BPIFA1: variants seen among roughly 807,000 people sequenced by gnomAD.
The protein encoded by BPIFA1 is BPI fold containing family A member 1.
A neutral mutation model predicts 25.1 loss-of-function variants in BPIFA1; 24 were observed. That is an observed-to-expected ratio of 0.96 (90% confidence interval 0.69 to 1.35). The LOEUF is 1.35. Ranked by LOEUF, BPIFA1 falls within the 40% of genes most tolerant of loss-of-function variation. The pLI is 0.00. For synonymous variants in BPIFA1, 139 were observed against 131.8 expected, an observed-to-expected ratio of 1.05 and a Z score of -0.37; for missense variants, 344 against 303.7, an observed-to-expected ratio of 1.13 and a Z score of -0.99.
At chr20:33,241,073 C>T (rs1336290127) in intron 5 of BPIFA1, among the ~76,000 whole-genome samples, 2 of 152,214 alleles carry the variant, frequency 1.3e-5, no homozygotes, top group African/African-American at 2.4e-5. Flanking sequence ...CATGTGTCAT[C>T]TCATTGGATC....
chr20:33,237,914 G>GCA, intron 2 of BPIFA1, 43 bp downstream of exon 2: 2 of 803,818 alleles, frequency 2.5e-6, no homozygotes, highest in Non-Finnish European at 3.4e-6. Flanking sequence ...GTGTGTGTGT[G>GCA]TGTGTGTGTG....
chr20:33,237,691 C>T lies in BPIFA1; in HGVS notation c.-15-6C>T. 7.0e-7 allele frequency: 1 copy of T among 1,430,994 alleles called. No individual in the cohort carries two copies. The allele number at this position is 1,430,994 out of a possible 1,614,324, so 88.6% of individuals were successfully genotyped here. A position where few individuals can be genotyped will look rare whatever the true frequency, so the allele number is the denominator to read the frequency against. The stretch of plus-strand genomic sequence containing the variant: ...TGCCATGTTGGACTTGTCATTCTGG[C>T]CACAGATACTAAGAGCAAAGATGTT... On this transcript the variant is annotated splice_polypyrimidine_tract_variant and splice_region_variant and intron_variant, in intron 1 of 8. Transcript: ENST00000354297.
intron 3 of BPIFA1, among the ~76,000 whole-genome samples, chr20:33,238,485 C>T (rs549646075): frequency 6.6e-6 from 1 of 152,328 alleles, no homozygotes; most frequent in South Asian, 2.1e-4. Context: ...ATTTAATAAT[C>T]TCCAGTTTGC....
intron 1 of BPIFA1, among the ~76,000 whole-genome samples, chr20:33,236,739 G>A (rs1331869839): frequency 6.6e-6 from 1 of 152,174 alleles, no homozygotes; most frequent in Non-Finnish European, 1.5e-5. Context: ...ATGATAGAAT[G>A]CATGTTTGTG....
rs773494093 is a variant in BPIFA1 at position 33,241,469 on chromosome 20, C to T, written c.666C>T (p.Asn222=). Residue 222 remains asparagine, a splice_region_variant and synonymous_variant, in exon 6 of 9, where the codon AAC becomes AAT. Coordinates refer to ENST00000354297, the MANE Select transcript of BPIFA1 (RefSeq NM_130852.3). ...NKVLPELVQG[N]VCPLVNEVLR... ...TCCTGCCTGAGTTGGTTCAGGGCAA[C>T]GTAAGTAGGCAAGGTGGGGATCCCC... 1.6e-5 allele frequency: 25 copies of T among 1,610,334 alleles called. No individual in the cohort carries two copies. The highest frequency in any genetic ancestry group is 6.7e-5 in the Admixed American group (4 of 59,990).
At position 33,242,042 on chromosome 20, in the gene BPIFA1, C is replaced by G. The variant is rs754390823; in HGVS notation, c.667-14C>G. 1 of 1,613,498 alleles carries G rather than the reference C, an allele frequency of 6.2e-7. No individual in the cohort carries two copies. The highest frequency in any genetic ancestry group is 1.7e-5 in the Admixed American group (1 of 60,018). Reference sequence around the variant, plus strand: ...GTGCCACTCTGCCTAACTCTCCTCTCTGCCCCTGGCCAGGTGTGCCCTCTG... The same window carrying G: ...GTGCCACTCTGCCTAACTCTCCTCTGTGCCCCTGGCCAGGTGTGCCCTCTG... On this transcript the variant is annotated splice_polypyrimidine_tract_variant and intron_variant, in intron 6 of 8. Transcript: ENST00000354297.
intron 5 of BPIFA1, among the ~76,000 whole-genome samples, chr20:33,240,783 G>C (rs1233539488): frequency 6.6e-6 from 1 of 152,132 alleles, no homozygotes; most frequent in Non-Finnish European, 1.5e-5. Context: ...TATTACAGGG[G>C]AATGGGGATA....
rs1568631767 is a variant in BPIFA1 at position 33,240,692 on chromosome 20, G to GA, written c.581+307_581+308insA. 4.1e-3 allele frequency among the ~76,000 whole-genome samples: 454 copies of GA among 110,060 alleles called. 6 individuals are homozygous for GA. The highest frequency in any genetic ancestry group is 0.021 in the African/African-American group (438 of 20,668). The allele number at this position is 110,060 out of a possible 152,430, so 72.2% of individuals were successfully genotyped here. A position where few individuals can be genotyped will look rare whatever the true frequency, so the allele number is the denominator to read the frequency against. On this transcript the variant is annotated intron_variant, in intron 5 of 8. Transcript: ENST00000354297. Reference sequence around the variant, plus strand: ...ATAGATAGATAGATAGATAGATAAAGTAGTACTTATTCCTTCTTAGACCAA... The same window carrying GA: ...ATAGATAGATAGATAGATAGATAAAGATAGTACTTATTCCTTCTTAGACCAA...
rs1475108913 is a variant in BPIFA1, at chr20:33,242,597, G to A, written c.*34+36G>A. 8 of 1,502,188 alleles carry A rather than the reference G, an allele frequency of 5.3e-6. No individual in the cohort carries two copies. In the Admixed American group the frequency reaches 8.4e-5, roughly 16 times the overall value. The allele number at this position is 1,502,188 out of a possible 1,614,324, so 93.1% of individuals were successfully genotyped here. ...TTCCCCACACCCCAGGGTTTTGGGG[G>A]CTGGCTGTTCTTCTCCTGGTAGAAG... On this transcript the variant is annotated intron_variant, in intron 8 of 8. Transcript: ENST00000354297.
intron 6 of BPIFA1, 128 bp from the exon 7 acceptor site, chr20:33,241,928 T>C: frequency 1.2e-6 from 1 of 811,432 alleles, no homozygotes; most frequent in Non-Finnish European, 2.1e-6. Flanking sequence ...TGACCATTGA[T>C]CTGTGGGATT....
chr20:33,239,887 C>A lies in BPIFA1; in HGVS notation c.405C>A (p.Leu135=), dbSNP rs533550245. The stretch of plus-strand genomic sequence containing the variant: ...ACCGTCTCTATGTCACCATCCCTCT[C>A]GGCATAAAGCTCCAAGTGAATACGT... ...DGHRLYVTIP[L]GIKLQVNTPL... Residue 135 remains leucine, a synonymous_variant, in exon 4 of 9, where the codon CTC becomes CTA. Coordinates refer to ENST00000354297, the MANE Select transcript of BPIFA1 (RefSeq NM_130852.3). 3 of 1,614,062 alleles carry A rather than the reference C, an allele frequency of 1.9e-6. No individual in the cohort carries two copies. The highest frequency in any genetic ancestry group is 1.3e-5 in the African/African-American group (1 of 75,058).
rs775206851 is a variant in BPIFA1, at chr20:33,239,924, A to C, written c.428+14A>C. ...CCAAGTGAATACGTGAGTGGGTCCC[A>C]AGAGGGGGTGAGAGGATGGCTCACC... On this transcript the variant is annotated intron_variant, in intron 4 of 8. Transcript: ENST00000354297. 6.2e-7 allele frequency: 1 copy of C among 1,607,366 alleles called. No individual in the cohort carries two copies. The highest frequency in any genetic ancestry group is 2.2e-5 in the East Asian group (1 of 44,846).
In BPIFA1 at chr20:33,240,297, G is replaced by A. The variant is rs778295258; in HGVS notation, c.493G>A (p.Ala165Thr). Residue 165 changes from alanine to threonine, a missense_variant, in exon 5 of 9, where the codon GCT becomes ACT. Transcript: ENST00000354297. The stretch of plus-strand genomic sequence containing the variant: ...GCTGGACATCACTGCAGAAATCTTA[G>A]CTGTGAGAGATAAGCAGGAGAGGAT... ...VKLDITAEILAVRDKQERIHL... is the reference protein window; with the variant it reads ...VKLDITAEILTVRDKQERIHL... 3.1e-6 allele frequency: 5 copies of A among 1,614,178 alleles called. No individual in the cohort carries two copies. The South Asian group carries it at 5.5e-5, about 18-fold the overall frequency.
At chr20:33,242,594 G>A (rs1979036583) in intron 8 of BPIFA1, 33 bp downstream of exon 8, 2 of 1,526,960 alleles carry the variant, frequency 1.3e-6, no homozygotes. Context: ...CAGGGTTTTG[G>A]GGGCTGGCTG....
At chr20:33,242,221 C>G in intron 7 of BPIFA1, 102 bp downstream of exon 7, 2 of 1,228,356 alleles carry the variant, frequency 1.6e-6, no homozygotes, top group Non-Finnish European at 2.4e-6. Flanking sequence ...GTCCCTCTGG[C>G]CTCAACTCTC....
At chr20:33,242,461 T>G (rs1291356578) in intron 7 of BPIFA1, 26 bp from the exon 8 acceptor site, 4 of 1,613,708 alleles carry the variant, frequency 2.5e-6, no homozygotes, top group African/African-American at 1.3e-5. Context: ...GTCGTCTGTT[T>G]TTTTATTGCT....
At chr20:33,238,828 G>T (rs371871163) in intron 3 of BPIFA1, among the ~76,000 whole-genome samples, 17 of 152,206 alleles carry the variant, frequency 1.1e-4, no homozygotes, top group Non-Finnish European at 2.9e-5. Flanking sequence ...AGCCGGCAGA[G>T]CCTGGTTCCT....
chr20:33,237,898 A>ACG, intron 2 of BPIFA1, 27 bp downstream of exon 2: 2 of 1,186,536 alleles, frequency 1.7e-6, no homozygotes, highest in Non-Finnish European at 2.3e-6. Context: ...GTATGTGTGC[A>ACG]TGTGTGTGTG....
At chr20:33,241,151 G>T (rs547640552) in intron 5 of BPIFA1, among the ~76,000 whole-genome samples, 1 of 152,304 alleles carries the variant, frequency 6.6e-6, no homozygotes, top group South Asian at 2.1e-4. Context: ...ATTGGCACCT[G>T]CTTTTTCTGA....
Sources: allele counts gnomAD v4.1 joint callset (sites outside exome capture counted in the v4.1 genomes callset), GRCh38; gene constraint gnomAD v4.1.1; transcripts MANE v1.5; gene names NCBI Gene and HGNC (gene_info 2026-07-23, HGNC 2026-07-21).